The following NRP1 variants were observed in gnomAD, a reference collection of about 807,000 sequenced individuals.
NRP1 encodes the protein neuropilin-1.
NRP1 carries 35 observed loss-of-function variants against 106.7 expected under a neutral mutation model. The observed-to-expected ratio is 0.33, with a 90% confidence interval of 0.25 to 0.43. NRP1 has a LOEUF of 0.43. NRP1 is among the 20% of genes least tolerant of loss of function. The probability of loss-of-function intolerance (pLI) is 1.00; values close to 1 mark genes in which losing one functional copy is unlikely to be tolerated. For synonymous variants in NRP1, 437 were observed against 417.9 expected (o/e 1.05, Z -0.56); for missense variants, 1,024 against 1,170.4 (o/e 0.87, Z 1.83).
At chr10:33,186,525 A>C in intron 13 of NRP1, 37 bp from the exon 14 acceptor site, 1 of 1,570,730 alleles carries the variant, frequency 6.4e-7, no homozygotes. Flanking sequence ...GAGAGTGGCC[A>C]GGATTACCAC....
chr10:33,216,263 G>A (rs568283041), intron 8 of NRP1, among the ~76,000 whole-genome samples: 21 of 150,260 alleles, frequency 1.4e-4, no homozygotes, highest in Non-Finnish European at 2.8e-4. Flanking sequence ...TCAGCCTCCC[G>A]AGTAGCTAGG....
chr10:33,231,623 AC>A (rs1263645825), intron 6 of NRP1, among the ~76,000 whole-genome samples: 5 of 152,194 alleles, frequency 3.3e-5, no homozygotes, highest in Non-Finnish European at 7.3e-5. Context: ...GGCATTTAAT[AC>A]TGCTTATCTG....
At chr10:33,314,032 T>TC (rs1846821780) in intron 2 of NRP1, among the ~76,000 whole-genome samples, 1 of 126,442 alleles carries the variant, frequency 7.9e-6, no homozygotes, top group Non-Finnish European at 1.7e-5. Flanking sequence ...CTCTCTCTCT[T>TC]TCTCTCTCTC....
intron 16 of NRP1, among the ~76,000 whole-genome samples, chr10:33,182,441 G>A (rs1835744185): frequency 1.3e-5 from 2 of 152,234 alleles, no homozygotes; most frequent in East Asian, 1.9e-4. Context: ...GGGCCAGGGT[G>A]AGCACACTTC....
chr10:33,243,093 TCTCC>T (rs1841142969), intron 6 of NRP1, among the ~76,000 whole-genome samples: 1 of 152,084 alleles, frequency 6.6e-6, no homozygotes, highest in Non-Finnish European at 1.5e-5. Context: ...CTTCATCTTA[TCTCC>T]CCCTGTGGGC....
intron 2 of NRP1, among the ~76,000 whole-genome samples, chr10:33,313,715 G>C (rs1461160796): frequency 6.6e-6 from 1 of 152,076 alleles, no homozygotes; most frequent in Admixed American, 6.5e-5. Context: ...CTAGAACTCA[G>C]GATCACAATG....
At chr10:33,299,764 T>G (rs781149402) in intron 2 of NRP1, among the ~76,000 whole-genome samples, 1 of 152,148 alleles carries the variant, frequency 6.6e-6, no homozygotes, top group Non-Finnish European at 1.5e-5. Flanking sequence ...CCAGACTGCA[T>G]GACAGAGAGA....
chr10:33,298,316 C>A (rs570028203), intron 2 of NRP1, among the ~76,000 whole-genome samples: 2 of 152,220 alleles, frequency 1.3e-5, no homozygotes, highest in African/African-American at 4.8e-5. Context: ...TCTCATGGAT[C>A]GGAAGAATGG....
At chr10:33,280,890 G>A (rs959873781) in intron 2 of NRP1, among the ~76,000 whole-genome samples, 1 of 151,630 alleles carries the variant, frequency 6.6e-6, no homozygotes, top group Admixed American at 6.6e-5. Flanking sequence ...GCTGAGGCAG[G>A]AGGATCACTT....
chr10:33,264,339 T>C (rs1842774066), intron 3 of NRP1, among the ~76,000 whole-genome samples: 1 of 152,218 alleles, frequency 6.6e-6, no homozygotes, highest in Non-Finnish European at 1.5e-5. Flanking sequence ...AGTGACTCAG[T>C]AACTCTGCCA....
intron 2 of NRP1, among the ~76,000 whole-genome samples, chr10:33,272,983 C>A (rs2133313355): frequency 6.6e-6 from 1 of 151,364 alleles, no homozygotes; most frequent in South Asian, 2.1e-4. Context: ...CGGTGGATTG[C>A]AACAGGGAAA....
At chr10:33,300,507 C>T (rs187123740) in intron 2 of NRP1, among the ~76,000 whole-genome samples, 68 of 152,250 alleles carry the variant, frequency 4.5e-4, no homozygotes, top group Non-Finnish European at 7.9e-4. Context: ...GAGGATGCTG[C>T]AGTGGTTCCT....
chr10:33,266,330 G>T (rs1274080854), intron 3 of NRP1, among the ~76,000 whole-genome samples: 1 of 152,136 alleles, frequency 6.6e-6, no homozygotes, highest in African/African-American at 2.4e-5. Flanking sequence ...ACTGGATGGA[G>T]CCCCAGGAGA....
intron 2 of NRP1, among the ~76,000 whole-genome samples, chr10:33,312,780 C>T (rs1050472254): frequency 6.6e-6 from 1 of 152,120 alleles, no homozygotes; most frequent in Non-Finnish European, 1.5e-5. Context: ...TTAACAAAAT[C>T]GCTGTTGTCA....
At chr10:33,239,769 C>T (rs982309216) in intron 6 of NRP1, among the ~76,000 whole-genome samples, 1 of 152,190 alleles carries the variant, frequency 6.6e-6, no homozygotes, top group African/African-American at 2.4e-5. Context: ...CTATTATGCT[C>T]TCAAATACCT....
Position 33,180,244 on chromosome 10 carries a change from C to T in NRP1, c.2604G>A (p.Gly868=). The T allele has an allele frequency of 6.2e-7, 1 of 1,614,110 alleles. No homozygotes were observed. Among genetic ancestry groups the T allele is most frequent in the East Asian group, 2.2e-5 (1 of 44,876 alleles). The change falls in exon 17 of 17, where the codon GGG becomes GGA. Residue 868 remains glycine, a synonymous_variant. Transcript: ENST00000374867. ...LITIIAMSAL[G]VLLGAVCGVV... is the part of the protein sequence containing the mutation. ...CCCCACAGACAGCCCCCAGGAGGAC[C>T]CCCAGGGCACTCATGGCTATGATGG... is the stretch of plus-strand genomic sequence containing the variant.
At chr10:33,237,260 G>A (rs947669411) in intron 6 of NRP1, among the ~76,000 whole-genome samples, 1 of 152,152 alleles carries the variant, frequency 6.6e-6, no homozygotes, top group Non-Finnish European at 1.5e-5. Flanking sequence ...AGGTAATGAT[G>A]TTATGAGACT....
intron 3 of NRP1, among the ~76,000 whole-genome samples, chr10:33,266,180 A>G (rs1842905186): frequency 6.6e-6 from 1 of 152,202 alleles, no homozygotes; most frequent in Non-Finnish European, 1.5e-5. Flanking sequence ...GAAAAAAATG[A>G]CAGGAATTAA....
chr10:33,229,956 C>T (rs1839976623), intron 6 of NRP1, among the ~76,000 whole-genome samples: 1 of 152,070 alleles, frequency 6.6e-6, no homozygotes, highest in African/African-American at 2.4e-5. Flanking sequence ...TTTCATTTTT[C>T]TCCCTAAGAT....
Sources: gnomAD v4.1 joint callset for allele counts (sites outside exome capture counted in the v4.1 genomes callset) on GRCh38, gnomAD v4.1.1 for gene constraint, MANE v1.5 for transcripts, NCBI Gene and HGNC (gene_info 2026-07-23, HGNC 2026-07-21) for gene names.